The following KIF26B variants were observed in gnomAD, a reference collection of about 807,000 sequenced individuals.
The protein encoded by KIF26B is kinesin family member 26B.
Under a neutral mutation model 151.2 loss-of-function variants are expected in KIF26B, and 63 were observed. The ratio of observed to expected loss-of-function variants is 0.42; its 90% CI spans 0.34 to 0.51. KIF26B has a LOEUF of 0.51. Among genes scored for constraint, KIF26B ranks in the 20% least tolerant of loss-of-function variants. The pLI is 0.07. For missense variants in KIF26B, 2,813 were observed against 2,913.6 expected, an observed-to-expected ratio of 0.97 and a Z score of 0.79; for synonymous variants, 1,357 against 1,262.1, an observed-to-expected ratio of 1.08 and a Z score of -1.59.
chr1:245,668,186 A>T (rs1039114215), intron 10 of KIF26B, among the ~76,000 whole-genome samples: 1 of 152,186 alleles, frequency 6.6e-6, no homozygotes, highest in African/African-American at 2.4e-5. Context: ...GTGAGCCACC[A>T]AGCCCGGCCC....
intron 3 of KIF26B, among the ~76,000 whole-genome samples, chr1:245,394,859 T>C (rs1256403137): frequency 6.6e-6 from 1 of 151,764 alleles, no homozygotes; most frequent in Non-Finnish European, 1.5e-5. Flanking sequence ...CCTGGCTAAT[T>C]TTTTGTATTT....
intron 5 of KIF26B, among the ~76,000 whole-genome samples, chr1:245,562,422 C>T (rs1377882654): frequency 6.6e-6 from 1 of 152,106 alleles, no homozygotes; most frequent in Non-Finnish European, 1.5e-5. Context: ...TGCTTGGCTC[C>T]GTGGTGACGG....
At position 245,239,920 on chromosome 1, in the gene KIF26B, A is replaced by T. The variant is rs1670183322; in HGVS notation, c.465+83237A>T. Among the ~76,000 whole-genome samples the T allele has an allele frequency of 2.0e-5, 3 of 152,064 alleles. No individual in the cohort carries two copies. Among genetic ancestry groups the T allele is most frequent in the Non-Finnish European group, 4.4e-5 (3 of 68,008 alleles). On this transcript the variant is annotated intron_variant, in intron 2 of 14. Coordinates refer to ENST00000407071, the MANE Select transcript of KIF26B (RefSeq NM_018012.4). This position sits in a 1 kb window ranked among gnomAD's most constrained non-coding sequence, Gnocchi z 4.3. Reference sequence around the variant, plus strand: ...GCCGGGTGTGGTCACTCACGCCTGTAATCCCAGCCCTTTGGGAGGCCGAGG... The same window carrying T: ...GCCGGGTGTGGTCACTCACGCCTGTTATCCCAGCCCTTTGGGAGGCCGAGG...
At chr1:245,517,318 G>A (rs1051133255) in intron 4 of KIF26B, among the ~76,000 whole-genome samples, 8 of 151,394 alleles carry the variant, frequency 5.3e-5, no homozygotes, top group Middle Eastern at 3.4e-3. Flanking sequence ...TTACAGCACT[G>A]CACTCTAGCC....
At chr1:245,450,353 G>C (rs1659359845) in intron 4 of KIF26B, among the ~76,000 whole-genome samples, 1 of 152,154 alleles carries the variant, frequency 6.6e-6, no homozygotes, top group African/African-American at 2.4e-5. Context: ...AATTTGAAAA[G>C]ATTTTCGCTG....
chr1:245,280,542 G>GAAAAA (rs1346684077), intron 2 of KIF26B, among the ~76,000 whole-genome samples: 1 of 52,038 alleles, frequency 1.9e-5, no homozygotes, highest in Non-Finnish European at 3.5e-5. Flanking sequence ...AAAAAAAAAA[G>GAAAAA]AAAAGAAATT....
chr1:245,437,772 C>G (rs142865273), intron 4 of KIF26B, among the ~76,000 whole-genome samples: 1 of 152,126 alleles, frequency 6.6e-6, no homozygotes, highest in Non-Finnish European at 1.5e-5. Context: ...AATTACATGC[C>G]GTTAATTCTT....
Position 245,227,270 on chromosome 1 carries a change from T to A in KIF26B, c.465+70587T>A, listed in dbSNP as rs1573720125. On this transcript the variant is annotated intron_variant, in intron 2 of 14. Transcript: ENST00000407071. This position sits in a 1 kb window ranked among gnomAD's most constrained non-coding sequence, Gnocchi z 4.1. ...TTACCTGGAAGGTCCAGAAAGAAAT[T>A]CCCCTTCCTTCCACAGCCAGAGGAT... Among the ~76,000 whole-genome samples the A allele has an allele frequency of 6.6e-6, 1 of 152,158 alleles. No homozygotes were observed. The highest frequency in any genetic ancestry group is 2.4e-5 in the African/African-American group (1 of 41,428).
intron 2 of KIF26B, among the ~76,000 whole-genome samples, chr1:245,171,910 T>C (rs1161105494): frequency 2.0e-5 from 3 of 152,246 alleles, no homozygotes; most frequent in Non-Finnish European, 2.9e-5. Context: ...AGGCGTGTTT[T>C]GTCTGCTGCA....
intron 5 of KIF26B, among the ~76,000 whole-genome samples, chr1:245,562,594 C>G (rs921790415): frequency 1.5e-4 from 22 of 150,772 alleles, no homozygotes; most frequent in African/African-American, 5.3e-4. Context: ...CCCCGCCCCC[C>G]CCTTCCCCCA....
intron 4 of KIF26B, among the ~76,000 whole-genome samples, chr1:245,460,172 G>A: frequency 6.6e-6 from 1 of 152,176 alleles, no homozygotes; most frequent in African/African-American, 2.4e-5. Flanking sequence ...TCACCATGTT[G>A]GTCGGGCTGT....
chr1:245,252,136 T>G (rs1049730806), intron 2 of KIF26B, among the ~76,000 whole-genome samples: 6 of 151,244 alleles, frequency 4.0e-5, no homozygotes, highest in African/African-American at 1.5e-4. Flanking sequence ...ATTAGCTGGA[T>G]GTGGTGGTGC....
chr1:245,437,913 G>A (rs1027725154), intron 4 of KIF26B, among the ~76,000 whole-genome samples: 1 of 152,138 alleles, frequency 6.6e-6, no homozygotes, highest in South Asian at 2.1e-4. Flanking sequence ...TGACTTGTCT[G>A]AAACATAGAC....
chr1:245,262,658 T>C (rs1670669216), intron 2 of KIF26B, among the ~76,000 whole-genome samples: 1 of 152,132 alleles, frequency 6.6e-6, no homozygotes, highest in African/African-American at 2.4e-5. Flanking sequence ...TTTCTCCATG[T>C]TGGCCAGGCT....
chr1:245,602,054 A>G lies in KIF26B; in HGVS notation c.1351-523A>G, dbSNP rs1192185220. 6.6e-6 allele frequency among the ~76,000 whole-genome samples: 1 copy of G among 152,196 alleles called. No homozygotes were observed. Among genetic ancestry groups the G allele is most frequent in the Non-Finnish European group, 1.5e-5 (1 of 68,036 alleles). The stretch of plus-strand genomic sequence containing the variant: ...TTTTATCACTGTTGCCCCTTGGAAC[A>G]CATTTCGAATGCTGGCCATTAAAAG... On this transcript the variant is annotated intron_variant, in intron 5 of 14. Coordinates refer to ENST00000407071, the MANE Select transcript of KIF26B (RefSeq NM_018012.4). This position sits in a 1 kb window ranked among gnomAD's most constrained non-coding sequence, Gnocchi z 4.5.
intron 2 of KIF26B, among the ~76,000 whole-genome samples, chr1:245,186,908 G>C (rs184142668): frequency 6.6e-6 from 1 of 151,738 alleles, no homozygotes; most frequent in East Asian, 1.9e-4. Flanking sequence ...CCAGGCTGGA[G>C]TGCAATGGCG....
chr1:245,410,757 T>A (rs551447235), intron 3 of KIF26B, among the ~76,000 whole-genome samples: 1 of 152,296 alleles, frequency 6.6e-6, no homozygotes, highest in South Asian at 2.1e-4. Flanking sequence ...TTTATTGTGG[T>A]AAAATATATA....
At chr1:245,189,634 C>T (rs1029194540) in intron 2 of KIF26B, among the ~76,000 whole-genome samples, 4 of 152,088 alleles carry the variant, frequency 2.6e-5, no homozygotes, top group Admixed American at 6.5e-5. Flanking sequence ...AGGTAAGCCC[C>T]CTACCACCTG....
intron 4 of KIF26B, among the ~76,000 whole-genome samples, chr1:245,483,670 C>T (rs575435787): frequency 3.3e-4 from 50 of 151,902 alleles, no homozygotes; most frequent in African/African-American, 9.9e-4. Context: ...GCATGAAGGG[C>T]GTGGGTAGTG....
Sources: allele counts gnomAD v4.1 joint callset (sites outside exome capture counted in the v4.1 genomes callset), GRCh38; gene constraint gnomAD v4.1.1; non-coding constraint Gnocchi (gnomAD v3.1); transcripts MANE v1.5; gene names NCBI Gene and HGNC (gene_info 2026-07-23, HGNC 2026-07-21).